The following ADH5 variants were observed in gnomAD, a reference collection of about 807,000 sequenced individuals.
ADH5 encodes the protein alcohol dehydrogenase 5 (class III), chi polypeptide.
Under a neutral mutation model 40.3 loss-of-function variants are expected in ADH5, and 32 were observed. The observed-to-expected ratio is 0.79, with a 90% CI of 0.60 to 1.07. The LOEUF (loss-of-function observed/expected upper bound fraction) is 1.07, where lower values mean the gene tolerates loss of function less well. Ranked by LOEUF, ADH5 falls within the 50% of genes least tolerant of loss-of-function variation. ADH5 has a pLI of 0.00. For missense variants in ADH5, 353 were observed against 460.5 expected (o/e 0.77, Z 2.14); for synonymous variants, 125 against 154.3 (o/e 0.81, Z 1.41).
At chr4:99,077,443 C>T (rs192902430) in intron 4 of ADH5, among the ~76,000 whole-genome samples, 7 of 152,136 alleles carry the variant, frequency 4.6e-5, no homozygotes, top group East Asian at 1.9e-4. Flanking sequence ...TGCAGTGAGC[C>T]GTGACTGTGC....
intron 2 of ADH5, 64 bp from the exon 3 acceptor site, chr4:99,082,180 C>G: frequency 6.7e-7 from 1 of 1,501,670 alleles, no homozygotes; most frequent in South Asian, 1.3e-5. Flanking sequence ...GGTACAGATA[C>G]AAGAAAAGTC....
chr4:99,076,500 G>A lies in ADH5; in HGVS notation c.617C>T (p.Ala206Val). The change falls in exon 6 of 9, where the codon GCA becomes GTA. Residue 206 changes from alanine to valine, a missense_variant. Ala to Val is a moderately conservative substitution (Grantham distance 64). Transcript: ENST00000296412. The part of the protein sequence containing the change: ...AVFGLGGVGL[A>V]VIMGCKVAGA... ...AGCCACTTTACAGCCCATGATAACT[G>A]CCAATCCGACTCCTCCCAGACCAAA... The A allele has an allele frequency of 6.2e-7, 1 of 1,614,096 alleles. No individual in the cohort carries two copies. The highest frequency in any genetic ancestry group is 8.5e-7 in the Non-Finnish European group (1 of 1,179,986).
chr4:99,079,536 G>A (rs1727988762), intron 4 of ADH5, among the ~76,000 whole-genome samples: 1 of 152,032 alleles, frequency 6.6e-6, no homozygotes, highest in Non-Finnish European at 1.5e-5. Context: ...ATCTTGATCT[G>A]GGTGACGTTC....
intron 4 of ADH5, chr4:99,079,792 G>A (rs1461340259): frequency 9.1e-6 from 3 of 329,582 alleles, no homozygotes; most frequent in Non-Finnish European, 1.8e-5. Context: ...AATAGCCTTA[G>A]TGGGTAAGTT....
At chr4:99,088,385 G>A (rs1355652296) in intron 1 of ADH5, among the ~76,000 whole-genome samples, 2 of 152,140 alleles carry the variant, frequency 1.3e-5, no homozygotes, top group Non-Finnish European at 2.9e-5. Flanking sequence ...CCGCTCCTAA[G>A]CCATTTCCAC....
intron 7 of ADH5, among the ~76,000 whole-genome samples, chr4:99,073,244 T>C (rs1242951884): frequency 1.2e-4 from 18 of 152,232 alleles, no homozygotes; most frequent in Admixed American, 1.2e-3. Flanking sequence ...AGTTGCGTGA[T>C]CTCAGCTCAT....
At chr4:99,088,657 G>T (rs766357116) in intron 1 of ADH5, 32 bp downstream of exon 1, 1 of 1,602,556 alleles carries the variant, frequency 6.2e-7, no homozygotes, top group Non-Finnish European at 8.5e-7. Context: ...TCCCTCCCTT[G>T]GACTCAGGGC....
At position 99,075,008 on chromosome 4, in the gene ADH5, G is replaced by A. The variant is rs552228974; in HGVS notation, c.867C>T (p.Ser289=). The change falls in exon 7 of 9, where the codon AGC becomes AGT. Residue 289 remains serine (S), a synonymous_variant. Coordinates refer to ENST00000296412, the MANE Select transcript of ADH5 (RefSeq NM_000671.4). ...CTGAAGCAGCTACTCCAACCACGAC[G>A]CTGACGCCCCAGCCCTTGTGACATG... The part of the protein sequence containing the change: ...LEACHKGWGV[S]VVVGVAASGE... The A allele has an allele frequency of 9.3e-6, 15 of 1,613,010 alleles. No homozygotes were observed. The highest frequency in any genetic ancestry group is 6.6e-5 in the South Asian group (6 of 90,966).
chr4:99,086,146 A>G (rs1728130348), intron 1 of ADH5, among the ~76,000 whole-genome samples: 1 of 152,266 alleles, frequency 6.6e-6, no homozygotes, highest in Admixed American at 6.5e-5. Flanking sequence ...ATTTTTAAAA[A>G]TACTGCTTAC....
chr4:99,073,656 C>A (rs1579360242), intron 7 of ADH5, among the ~76,000 whole-genome samples: 1 of 152,208 alleles, frequency 6.6e-6, no homozygotes, highest in African/African-American at 2.4e-5. Flanking sequence ...TCTTTCCCCA[C>A]AAATGGTAGG....
chr4:99,074,723 C>G (rs1727890971), intron 7 of ADH5, among the ~76,000 whole-genome samples, 191 bp downstream of exon 7: 1 of 152,148 alleles, frequency 6.6e-6, no homozygotes, highest in Non-Finnish European at 1.5e-5. Context: ...CCCTCCCCCC[C>G]AAGTCCCAGG....
chr4:99,076,797 AAC>A lies in ADH5; in HGVS notation c.469_470del (p.Val157CysfsTer2). The A allele has an allele frequency of 6.2e-7, 1 of 1,614,052 alleles. No homozygotes were observed. Among genetic ancestry groups the A allele is most frequent in the African/African-American group, 1.3e-5 (1 of 75,062 alleles). On this transcript the variant is annotated frameshift_variant, in exon 5 of 9. Transcript: ENST00000296412. LOFTEE classifies it high-confidence loss of function. Reference protein sequence around the residue: ...SEYTVVADISVAKIDPLAPLD... With the variant: ...SEYTVVADISXAKIDPLAPLD... The stretch of plus-strand genomic sequence containing the variant: ...AAGGTGCTAAAGGATCTATTTTAGC[AAC>A]AGAGATATCAGCCACAACTGTGTAT...
chr4:99,083,421 GA>G (rs1728065933), intron 2 of ADH5, among the ~76,000 whole-genome samples: 1 of 151,756 alleles, frequency 6.6e-6, no homozygotes. Context: ...CCAACAGGGT[GA>G]AACTCCGTCT....
intron 2 of ADH5, among the ~76,000 whole-genome samples, chr4:99,083,384 G>A (rs1253442436): frequency 6.6e-6 from 1 of 151,912 alleles, no homozygotes; most frequent in Non-Finnish European, 1.5e-5. Flanking sequence ...TGGATCACTT[G>A]AGGTCAGTAG....
At chr4:99,083,075 C>G (rs7683704) in intron 2 of ADH5, among the ~76,000 whole-genome samples, 3 of 152,056 alleles carry the variant, frequency 2.0e-5, no homozygotes, top group Non-Finnish European at 4.4e-5. Context: ...CCACTTACAA[C>G]GTAACAATCT....
At chr4:99,087,151 A>T (rs946648283) in intron 1 of ADH5, among the ~76,000 whole-genome samples, 2 of 151,832 alleles carry the variant, frequency 1.3e-5, no homozygotes, top group African/African-American at 4.8e-5. Flanking sequence ...TGGGAGGCCG[A>T]GATGGGCGGA....
At position 99,072,458 on chromosome 4, in the gene ADH5, CATA is replaced by C. The variant is rs1390612018; in HGVS notation, c.1101-20_1101-18del. On this transcript the variant is annotated intron_variant, in intron 8 of 8. Coordinates refer to ENST00000296412, the MANE Select transcript of ADH5 (RefSeq NM_000671.4). Reference sequence around the variant, plus strand: ...GTTCGAATGCTGTAAAAGGAAGCAACATACTAAGTTTTAAATGATACCTTTAAG... The same window carrying C: ...GTTCGAATGCTGTAAAAGGAAGCAACCTAAGTTTTAAATGATACCTTTAAG... 2 of 1,612,656 alleles carry C rather than the reference CATA, an allele frequency of 1.2e-6. No homozygotes were observed. Among genetic ancestry groups the C allele is most frequent in the Non-Finnish European group, 1.7e-6 (2 of 1,179,074 alleles).
intron 4 of ADH5, among the ~76,000 whole-genome samples, chr4:99,078,566 A>C (rs1408177764): frequency 1.3e-5 from 2 of 152,066 alleles, no homozygotes; most frequent in African/African-American, 2.4e-5. Context: ...AAGCCCAGCT[A>C]ATTTTTTAAA....
At chr4:99,074,813 A>G (rs530332717) in intron 7 of ADH5, 101 bp downstream of exon 7, 4 of 1,338,946 alleles carry the variant, frequency 3.0e-6, no homozygotes, top group Non-Finnish European at 4.1e-6. Flanking sequence ...GGAACTCATG[A>G]AGATTCTTGT....
Sources: allele counts gnomAD v4.1 joint callset (sites outside exome capture counted in the v4.1 genomes callset), GRCh38; gene constraint gnomAD v4.1.1; transcripts MANE v1.5; gene names NCBI Gene and HGNC (gene_info 2026-07-23, HGNC 2026-07-21).